KCTD3: variants seen among roughly 807,000 people sequenced by gnomAD.
The protein encoded by KCTD3 is BTB/POZ domain-containing protein KCTD3.
KCTD3 carries 41 observed loss-of-function variants against 85.8 expected under a neutral mutation model. The observed-to-expected ratio is 0.48, with a 90% CI of 0.37 to 0.62. The LOEUF is 0.62. KCTD3 is among the 20% of genes least tolerant of loss of function. The pLI is 0.00. For synonymous variants in KCTD3, 338 were observed against 345.4 expected, an observed-to-expected ratio of 0.98 and a Z score of 0.24; for missense variants, 724 against 989.9, an observed-to-expected ratio of 0.73 and a Z score of 3.60.
intron 8 of KCTD3, among the ~76,000 whole-genome samples, chr1:215,586,177 CTTTT>C (rs1030270312): frequency 2.0e-5 from 3 of 152,122 alleles, no homozygotes; most frequent in African/African-American, 7.2e-5. Flanking sequence ...ATAAAACTAT[CTTTT>C]TTTAAAGTTT....
intron 9 of KCTD3, among the ~76,000 whole-genome samples, chr1:215,591,634 G>T (rs1256744273): frequency 6.6e-6 from 1 of 152,082 alleles, no homozygotes. Flanking sequence ...GATTACAGGC[G>T]TGAGCCACCG....
intron 8 of KCTD3, among the ~76,000 whole-genome samples, chr1:215,585,856 T>C (rs77472643): frequency 7.9e-4 from 121 of 152,316 alleles, no homozygotes; most frequent in African/African-American, 2.8e-3. Flanking sequence ...TGTAGTTCCA[T>C]AGAGTTTTGC....
intron 15 of KCTD3, among the ~76,000 whole-genome samples, chr1:215,615,942 T>C (rs1295367167): frequency 6.6e-6 from 1 of 152,196 alleles, no homozygotes; most frequent in Non-Finnish European, 1.5e-5. Flanking sequence ...TGTCTCTGTG[T>C]GGCATTCCTT....
intron 1 of KCTD3, among the ~76,000 whole-genome samples, chr1:215,568,514 CT>C (rs920409114): frequency 4.1e-5 from 5 of 122,636 alleles, no homozygotes; most frequent in Admixed American, 3.0e-4. Context: ...CCTTCTGTGC[CT>C]GTTATTAAGT....
chr1:215,595,425 A>G lies in KCTD3; in HGVS notation c.887A>G (p.His296Arg). Residue 296 changes from histidine to arginine, a missense_variant, in exon 10 of 18, where the codon CAT becomes CGT. Transcript: ENST00000259154. ...FIGNQLVATS[H>R]TGKVGVWNAV... ...GGTAACCAGTTGGTGGCCACGAGTC[A>G]TACAGGGAAAGTGGGAGTGTGGAAT... is the stretch of plus-strand genomic sequence containing the variant. 1.9e-6 allele frequency: 3 copies of G among 1,613,864 alleles called. No homozygotes were observed. The highest frequency in any genetic ancestry group is 2.5e-6 in the Non-Finnish European group (3 of 1,179,814).
intron 15 of KCTD3, chr1:215,617,988 A>C: frequency 3.0e-6 from 1 of 335,516 alleles, no homozygotes; most frequent in Non-Finnish European, 6.4e-6. Context: ...GAATTGTATA[A>C]AAGCATCTTG....
intron 3 of KCTD3, 105 bp downstream of exon 3, chr1:215,574,223 T>A (rs1659483620): frequency 6.2e-6 from 4 of 641,628 alleles, no homozygotes; most frequent in Non-Finnish European, 2.6e-6. Context: ...ATTTTAATAA[T>A]CACTGAATGA....
intron 9 of KCTD3, among the ~76,000 whole-genome samples, chr1:215,592,501 A>G (rs1332926292): frequency 6.6e-6 from 1 of 152,200 alleles, no homozygotes; most frequent in Non-Finnish European, 1.5e-5. Flanking sequence ...TGAAATTATA[A>G]TACACTGGTA....
Position 215,586,666 on chromosome 1 carries a change from G to GGGAAGT in KCTD3, c.806_811dup (p.Gly269_Ser270dup), listed in dbSNP as rs1660021473. Reference sequence around the variant, plus strand: ...TCATCTTGTGGAGTGTTCAGGATGGGGGAAGTGGAAGTGAAATTGGTAGGA... The same window carrying GGGAAGT: ...TCATCTTGTGGAGTGTTCAGGATGGGGGAAGTGGAAGTGGAAGTGAAATTGGTAGGA... On this transcript the variant is annotated inframe_insertion, in exon 9 of 18. Transcript: ENST00000259154. 1 of 1,609,506 alleles carries GGGAAGT rather than the reference G, an allele frequency of 6.2e-7. No homozygotes were observed. Among genetic ancestry groups the GGGAAGT allele is most frequent in the Non-Finnish European group, 8.5e-7 (1 of 1,177,670 alleles).
chr1:215,577,941 T>A, intron 5 of KCTD3, 60 bp from the exon 6 acceptor site: 1 of 1,574,116 alleles, frequency 6.4e-7, no homozygotes, highest in Non-Finnish European at 8.6e-7. Flanking sequence ...AAAATAAAAA[T>A]GGAGTACTGT....
In KCTD3 at chr1:215,620,807, T is replaced by G; in HGVS notation, c.*189T>G. ...TATCTCTTTTGACATTTTGGAAATT[T>G]TTTTAATTTTACAAGTACATTTAAC... On this transcript the variant is annotated 3_prime_UTR_variant, in exon 18 of 18. Coordinates refer to ENST00000259154, the MANE Select transcript of KCTD3 (RefSeq NM_016121.5). The G allele has an allele frequency of 2.0e-6, 1 of 511,832 alleles. No individual in the cohort carries two copies. Among genetic ancestry groups the G allele is most frequent in the Admixed American group, 3.8e-5 (1 of 26,534 alleles). The allele number at this position is 511,832 out of a possible 1,614,324, so 31.7% of individuals were successfully genotyped here.
At chr1:215,596,952 A>T (rs191431318) in intron 10 of KCTD3, among the ~76,000 whole-genome samples, 16 of 152,274 alleles carry the variant, frequency 1.1e-4, no homozygotes, top group Admixed American at 1.0e-3. Context: ...GAGTAGAGAC[A>T]TTTCTTTCTC....
chr1:215,610,697 G>T (rs1286522157), intron 14 of KCTD3, among the ~76,000 whole-genome samples: 1 of 151,922 alleles, frequency 6.6e-6, no homozygotes, highest in Non-Finnish European at 1.5e-5. Flanking sequence ...AGCCAGACAG[G>T]TTTGTTTGAA....
At chr1:215,582,721 C>T (rs1337789010) in intron 8 of KCTD3, among the ~76,000 whole-genome samples, 1 of 152,012 alleles carries the variant, frequency 6.6e-6, no homozygotes, top group Admixed American at 6.5e-5. Context: ...ACCACCACAC[C>T]TGGCCAATTT....
intron 14 of KCTD3, among the ~76,000 whole-genome samples, chr1:215,608,385 A>T (rs530526808): frequency 7.9e-5 from 12 of 152,120 alleles, no homozygotes; most frequent in Middle Eastern, 3.4e-3. Context: ...ATGTTAGAGC[A>T]AATTTTTCCT....
At chr1:215,582,751 G>A (rs1302560661) in intron 8 of KCTD3, among the ~76,000 whole-genome samples, 1 of 151,822 alleles carries the variant, frequency 6.6e-6, no homozygotes, top group African/African-American at 2.4e-5. Flanking sequence ...TAGTAGAGAC[G>A]GGGTTTCACC....
Position 215,574,109 on chromosome 1 carries a change from A to G in KCTD3, c.174A>G (p.Glu58=). The change falls in exon 3 of 18, where the codon GAA becomes GAG. Residue 58 remains glutamate, a synonymous_variant. Transcript: ENST00000259154. ...LSGRISTLRD[E]TGAIFIDRDP... is the part of the protein sequence containing the mutation. ...GGAGAATTTCAACACTTCGAGATGA[A>G]ACTGGTGCTGTGAGTATAATAATAA... The G allele has an allele frequency of 6.3e-7, 1 of 1,581,118 alleles. No individual in the cohort carries two copies. Among genetic ancestry groups the G allele is most frequent in the South Asian group, 1.2e-5 (1 of 85,982 alleles).
intron 17 of KCTD3, 23 bp downstream of exon 17, chr1:215,619,314 A>G: frequency 6.3e-7 from 1 of 1,581,210 alleles, no homozygotes; most frequent in Non-Finnish European, 8.6e-7. Flanking sequence ...GTTGGGTATT[A>G]TAAACAAAAT....
chr1:215,580,810 A>G (rs560420175), intron 8 of KCTD3, among the ~76,000 whole-genome samples: 1 of 152,332 alleles, frequency 6.6e-6, no homozygotes, highest in South Asian at 2.1e-4. Context: ...AATGTCTTCT[A>G]AAGTTTACAG....
Sources: gnomAD v4.1 joint callset for allele counts (sites outside exome capture counted in the v4.1 genomes callset) on GRCh38, gnomAD v4.1.1 for gene constraint, MANE v1.5 for transcripts, NCBI Gene and HGNC (gene_info 2026-07-23, HGNC 2026-07-21) for gene names.